Variants in FBRSL1 observed in about 807,000 individuals in gnomAD.
FBRSL1 encodes fibrosin-1-like protein.
FBRSL1 carries 51 observed loss-of-function variants against 89.6 expected under a neutral mutation model. That is an observed-to-expected ratio of 0.57 (90% confidence interval 0.45 to 0.72). The LOEUF (loss-of-function observed/expected upper bound fraction) is 0.72. Among genes scored for constraint, FBRSL1 ranks in the 30% least tolerant of loss-of-function variants. FBRSL1 has a pLI of 0.00. For synonymous variants in FBRSL1, 779 were observed against 681.1 expected, an observed-to-expected ratio of 1.14 and a Z score of -2.24; for missense variants, 1,618 against 1,451.8, an observed-to-expected ratio of 1.11 and a Z score of -1.86.
intron 1 of FBRSL1, among the ~76,000 whole-genome samples, chr12:132,494,428 G>A (rs745421588): frequency 3.2e-4 from 48 of 152,360 alleles, no homozygotes; most frequent in Non-Finnish European, 6.8e-4. Flanking sequence ...CCACAGAACA[G>A]GTTGTGCCGG....
intron 2 of FBRSL1, among the ~76,000 whole-genome samples, chr12:132,513,075 T>G (rs1454995162): frequency 6.6e-6 from 1 of 152,158 alleles, no homozygotes; most frequent in Non-Finnish European, 1.5e-5. Context: ...AAATGCAGAT[T>G]TCGTGTGGCC....
At chr12:132,571,547 AGGGGGC>A (rs1491279265) in intron 9 of FBRSL1, 12 of 1,418,392 alleles carry the variant, frequency 8.5e-6, no homozygotes, top group Non-Finnish European at 9.3e-6. Flanking sequence ...GCGTGCTGGC[AGGGGGC>A]GGGGGCGGGC....
intron 5 of FBRSL1, among the ~76,000 whole-genome samples, chr12:132,559,158 C>T (rs978078617): frequency 6.6e-6 from 1 of 152,246 alleles, no homozygotes; most frequent in African/African-American, 2.4e-5. Flanking sequence ...CAGGTGCTTC[C>T]TGTCCCTCCC....
At chr12:132,582,656 G>T (rs987661766) in intron 18 of FBRSL1, among the ~76,000 whole-genome samples, 7 of 152,058 alleles carry the variant, frequency 4.6e-5, no homozygotes, top group Non-Finnish European at 8.8e-5. Context: ...CTGACCCACG[G>T]AGTTTGAGGG....
At chr12:132,579,318 C>T (rs575979626) in intron 15 of FBRSL1, among the ~76,000 whole-genome samples, 2 of 152,298 alleles carry the variant, frequency 1.3e-5, no homozygotes, top group South Asian at 4.1e-4. Context: ...CGTACGTCAT[C>T]TCCGGTATCA....
intron 4 of FBRSL1, among the ~76,000 whole-genome samples, chr12:132,529,989 G>T (rs556280909): frequency 1.3e-5 from 2 of 152,356 alleles, no homozygotes; most frequent in South Asian, 4.1e-4. Context: ...CTCAGAGGTG[G>T]CTGTGGGTGT....
In FBRSL1 at chr12:132,583,759, C is replaced by G. The variant is rs2040962361; in HGVS notation, c.2990C>G (p.Pro997Arg). 2 of 1,217,672 alleles carry G rather than the reference C, an allele frequency of 1.6e-6. No homozygotes were observed. The highest frequency in any genetic ancestry group is 2.0e-6 in the Non-Finnish European group (2 of 978,748). 75.4% of individuals were successfully genotyped at this position (1,217,672 alleles called of 1,614,324 possible). ...GACTACTCCCCGTCCCGAAATCCCC[C>G]GGAGGTGGAGGCGCGGTAGCCCCGG... ...ARDYSPSRNP[P>R]EVEAR is the part of the protein sequence containing the mutation. Residue 997 changes from proline (P) to arginine (R), a missense_variant, in exon 19 of 19, where the codon CCG (proline) becomes CGG (arginine). Coordinates refer to ENST00000680143, the MANE Select transcript of FBRSL1 (RefSeq NM_001367871.1).
intron 5 of FBRSL1, among the ~76,000 whole-genome samples, chr12:132,558,353 G>A (rs542029308): frequency 5.3e-5 from 8 of 152,362 alleles, no homozygotes; most frequent in East Asian, 3.9e-4. Flanking sequence ...CCAGCAGCAC[G>A]TCTGTTTTCT....
intron 5 of FBRSL1, among the ~76,000 whole-genome samples, chr12:132,556,814 C>A (rs12367257): frequency 3.8e-5 from 4 of 105,616 alleles, no homozygotes; most frequent in Admixed American, 1.3e-4. Context: ...CCCCTCCACC[C>A]ACCCCTGTCC....
At chr12:132,530,725 C>A (rs1286064508) in intron 4 of FBRSL1, among the ~76,000 whole-genome samples, 1 of 9,644 alleles carries the variant, frequency 1.0e-4, no homozygotes, top group African/African-American at 4.4e-4. Context: ...GGGGGTGGGG[C>A]TGGGGGGTGG....
intron 18 of FBRSL1, 84 bp from the exon 19 acceptor site, chr12:132,582,887 G>A (rs2040876758): frequency 2.6e-6 from 3 of 1,172,404 alleles, no homozygotes; most frequent in Admixed American, 4.3e-5. Flanking sequence ...TGGAGGCCCC[G>A]ACAAGCAACG....
At chr12:132,495,153 C>T (rs1464299830) in intron 1 of FBRSL1, among the ~76,000 whole-genome samples, 1 of 152,220 alleles carries the variant, frequency 6.6e-6, no homozygotes, top group East Asian at 1.9e-4. Flanking sequence ...CTGGCCCAGA[C>T]ACTGCCCTGC....
chr12:132,510,796 C>T, intron 2 of FBRSL1: 1 of 1,136,528 alleles, frequency 8.8e-7, no homozygotes, highest in Non-Finnish European at 1.1e-6. Context: ...GAGGGGAACA[C>T]AGCCCCTGAG....
rs933037090 is a variant in FBRSL1 at position 132,564,686 on chromosome 12, G to A, written c.646-2795G>A. On this transcript the variant is annotated intron_variant, in intron 5 of 18. Transcript: ENST00000680143. ...AATTTTTTGTATTTTTAGTAGAGAC[G>A]GGGTTTCACCGTGTTAGCCAGGATG... Among the ~76,000 whole-genome samples the A allele has an allele frequency of 6.7e-4, 65 of 96,394 alleles. 14 individuals are homozygous for A. The highest frequency in any genetic ancestry group is 9.2e-3 in the Middle Eastern group (2 of 218). 63.2% of individuals were successfully genotyped at this position (96,394 alleles called of 152,430 possible).
At position 132,583,083 on chromosome 12, in the gene FBRSL1, GC is replaced by G. The variant is rs1413715474; in HGVS notation, c.2319del (p.Ala774ArgfsTer39). 4 of 1,445,740 alleles carry G rather than the reference GC, an allele frequency of 2.8e-6. No homozygotes were observed. Among genetic ancestry groups the G allele is most frequent in the Admixed American group, 5.2e-5 (2 of 38,618 alleles). 89.6% of individuals were successfully genotyped at this position (1,445,740 alleles called of 1,614,324 possible). A position where few individuals can be genotyped will look rare whatever the true frequency, so the allele number is the denominator to read the frequency against. ...RAQSELGRSG[A>X]PAEREAEPRV... ...CCAGAGCGAGCTGGGCCGGTCCGGGGCCCCCGCGGAGCGCGAGGCCGAACCT... is the reference window on the plus strand; with the variant it reads ...CCAGAGCGAGCTGGGCCGGTCCGGGGCCCCGCGGAGCGCGAGGCCGAACCT... On this transcript the variant is annotated frameshift_variant, in exon 19 of 19. Transcript: ENST00000680143. LOFTEE classifies it high-confidence loss of function.
intron 4 of FBRSL1, among the ~76,000 whole-genome samples, chr12:132,545,497 C>T (rs2037616208): frequency 1.3e-5 from 2 of 152,274 alleles, no homozygotes; most frequent in Admixed American, 6.5e-5. Flanking sequence ...GCAGCGTCCT[C>T]TGGTGCGCTT....
At chr12:132,550,587 C>T (rs572607700) in intron 5 of FBRSL1, 1 of 152,482 alleles carries the variant, frequency 6.6e-6, no homozygotes, top group Non-Finnish European at 1.5e-5. Flanking sequence ...GGGGCATGCT[C>T]TGAGGGGTGT....
At chr12:132,567,111 C>T (rs1185616361) in intron 5 of FBRSL1, among the ~76,000 whole-genome samples, 1 of 152,190 alleles carries the variant, frequency 6.6e-6, no homozygotes, top group African/African-American at 2.4e-5. Context: ...CCAGCAGGGC[C>T]CACAGCTACT....
chr12:132,538,848 C>T (rs533268651), intron 4 of FBRSL1, among the ~76,000 whole-genome samples: 2 of 152,290 alleles, frequency 1.3e-5, no homozygotes, highest in East Asian at 3.9e-4. Flanking sequence ...ACCCACCACC[C>T]GGTTATCTTG....
Sources: gnomAD v4.1 joint callset for allele counts (sites outside exome capture counted in the v4.1 genomes callset) on GRCh38, gnomAD v4.1.1 for gene constraint, MANE v1.5 for transcripts, NCBI Gene and HGNC (gene_info 2026-07-23, HGNC 2026-07-21) for gene names.